Variants in UBL7 observed in about 807,000 individuals in gnomAD.
UBL7 encodes ubiquitin-like protein 7.
In UBL7, 21 loss-of-function variants were observed where a neutral mutation model predicts 41.7. The observed-to-expected ratio is 0.50, with a 90% CI of 0.36 to 0.73. The LOEUF (loss-of-function observed/expected upper bound fraction) is 0.73, where lower values mean the gene tolerates loss of function less well. Ranked by LOEUF, UBL7 falls within the 30% of genes least tolerant of loss-of-function variation. UBL7 has a pLI of 0.00. For synonymous variants in UBL7, 157 were observed against 186.9 expected (o/e 0.84, Z 1.31); for missense variants, 403 against 478.4 (o/e 0.84, Z 1.47).
In UBL7 at chr15:74,449,277, G is replaced by T; in HGVS notation, c.791C>A (p.Pro264His). ...ASLGYSGAAG[P>H]RPITQSELAT... ...CAGCTCACTCTGGGTGATGGGCCGGGGCCCAGCAGCTCCACTGTACCCCAG... is the reference window on the plus strand; with the variant it reads ...CAGCTCACTCTGGGTGATGGGCCGGTGCCCAGCAGCTCCACTGTACCCCAG... Residue 264 changes from proline to histidine, a missense_variant, in exon 9 of 11, where the codon CCC (proline) becomes CAC (histidine). Pro to His is a moderately conservative substitution (Grantham distance 77). Coordinates refer to ENST00000395081, the MANE Select transcript of UBL7 (RefSeq NM_032907.5). The T allele has an allele frequency of 6.2e-7, 1 of 1,613,392 alleles. No homozygotes were observed. The highest frequency in any genetic ancestry group is 2.2e-5 in the East Asian group (1 of 44,884).
At chr15:74,451,641 C>T in intron 4 of UBL7, 121 bp from the exon 5 acceptor site, 1 of 642,444 alleles carries the variant, frequency 1.6e-6, no homozygotes, top group Non-Finnish European at 2.7e-6. Context: ...CACAATGGAA[C>T]AATAGCCCCA....
rs1162947656 is a variant in UBL7 at position 74,458,804 on chromosome 15, T to C, written c.64A>G (p.Ile22Val). ...AGTTCTGTCTCTGGCAACCGAAGAA[T>C]AGACTTTGGAGTAAGTGGCTGGTCA... ...LADQPLTPKS[I>V]LRLPETELGE... The change falls in exon 2 of 11, where the codon ATT becomes GTT. Residue 22 changes from isoleucine to valine, a missense_variant. Ile to Val is a conservative substitution (Grantham distance 29). Transcript: ENST00000395081. The C allele has an allele frequency of 7.4e-6, 12 of 1,613,612 alleles. No homozygotes were observed. Among genetic ancestry groups the C allele is most frequent in the African/African-American group, 5.3e-5 (4 of 74,930 alleles).
intron 3 of UBL7, among the ~76,000 whole-genome samples, chr15:74,455,491 T>C (rs556906064): frequency 2.5e-4 from 38 of 152,364 alleles, no homozygotes; most frequent in African/African-American, 8.9e-4. Flanking sequence ...AATCACCACC[T>C]GAGGCAGTTT....
Position 74,461,035 on chromosome 15 carries a change from A to C in UBL7, c.-30+2T>G, listed in dbSNP as rs112744397. On this transcript the variant is annotated splice_donor_variant, in intron 1 of 10. Transcript: ENST00000395081. LOFTEE classifies it low-confidence loss of function (5UTR_SPLICE). ...AGGAACACTATCCGGTGGCGACCTCACCGCTCCAGTGGGACCAGCTACTTG... is the reference window on the plus strand; with the variant it reads ...AGGAACACTATCCGGTGGCGACCTCCCCGCTCCAGTGGGACCAGCTACTTG... 9.5e-7 allele frequency: 1 copy of C among 1,056,184 alleles called. No individual in the cohort carries two copies. Among genetic ancestry groups the C allele is most frequent in the South Asian group, 2.7e-5 (1 of 37,676 alleles). 65.4% of individuals were successfully genotyped at this position (1,056,184 alleles called of 1,614,324 possible). A position where few individuals can be genotyped will look rare whatever the true frequency, so the allele number is the denominator to read the frequency against.
intron 1 of UBL7, 183 bp downstream of exon 1, chr15:74,460,854 T>C: frequency 8.3e-7 from 1 of 1,199,064 alleles, no homozygotes; most frequent in Non-Finnish European, 1.1e-6. Flanking sequence ...ATCTTCCACC[T>C]CAAGTTTATG....
At chr15:74,450,309 G>A (rs1157911760) in intron 6 of UBL7, among the ~76,000 whole-genome samples, 4 of 152,218 alleles carry the variant, frequency 2.6e-5, no homozygotes, top group Admixed American at 1.3e-4. Context: ...CCACAGGCAA[G>A]GCATGATGGG....
At chr15:74,454,623 C>T (rs2061278114) in intron 3 of UBL7, among the ~76,000 whole-genome samples, 1 of 152,132 alleles carries the variant, frequency 6.6e-6, no homozygotes. Context: ...GTCTCGAACT[C>T]CCAATCTCAG....
chr15:74,447,641 A>G (rs1265399213), intron 10 of UBL7, among the ~76,000 whole-genome samples: 1 of 152,158 alleles, frequency 6.6e-6, no homozygotes, highest in African/African-American at 2.4e-5. Flanking sequence ...CAGGAAGTTG[A>G]GGCTACAGTA....
chr15:74,449,072 G>A lies in UBL7; in HGVS notation c.882+114C>T, dbSNP rs2061214567. The A allele has an allele frequency of 7.0e-6, 9 of 1,290,364 alleles. No individual in the cohort carries two copies. The South Asian group carries it at 1.4e-4, about 20-fold the overall frequency. The allele number at this position is 1,290,364 out of a possible 1,614,324, so 79.9% of individuals were successfully genotyped here. On this transcript the variant is annotated intron_variant, in intron 9 of 10. Transcript: ENST00000395081. ...TAAGAAATCCCCACCAGGACTCCAG[G>A]GTTCAGCTTAAACTAGATCTAGCAC...
intron 8 of UBL7, 85 bp from the exon 9 acceptor site, chr15:74,449,438 G>A (rs779322624): frequency 4.9e-5 from 77 of 1,559,406 alleles, no homozygotes; most frequent in Non-Finnish European, 6.6e-5. Context: ...AATAGTTCTT[G>A]GGGAAACTCT....
rs370344092 is a variant in UBL7 at position 74,452,370 on chromosome 15, C to T, written c.313G>A (p.Asp105Asn). The T allele has an allele frequency of 1.4e-5, 22 of 1,558,082 alleles. No homozygotes were observed. In the African/African-American group the frequency reaches 3.0e-4, roughly 21 times the overall value. Residue 105 changes from aspartate to asparagine, a missense_variant, in exon 4 of 11, where the codon GAC becomes AAC. By Grantham distance (23) the Asp-to-Asn change is conservative. Coordinates refer to ENST00000395081, the MANE Select transcript of UBL7 (RefSeq NM_032907.5). Reference sequence around the variant, plus strand: ...AACTCTCTCATGGCAGCCACTTTGTCCACAGGTTCTGGGGGACAAGACATT... The same window carrying T: ...AACTCTCTCATGGCAGCCACTTTGTTCACAGGTTCTGGGGGACAAGACATT... ...PEPDQKPEPV[D>N]KVAAMREFRV...
intron 3 of UBL7, among the ~76,000 whole-genome samples, chr15:74,452,958 C>A (rs1031740226): frequency 1.3e-5 from 2 of 152,200 alleles, no homozygotes; most frequent in Non-Finnish European, 2.9e-5. Flanking sequence ...GTGATCCACA[C>A]ACCTCGGCCT....
chr15:74,449,695 T>C lies in UBL7; in HGVS notation c.665-20A>G, dbSNP rs1490275180. ...AGCCACCTGGAGGAGGACGAACAGA[T>C]TTCAGGAGGAAGAACAGAAAGGCAC... is the stretch of plus-strand genomic sequence containing the variant. On this transcript the variant is annotated intron_variant, in intron 7 of 10. Transcript: ENST00000395081. 2.5e-6 allele frequency: 4 copies of C among 1,614,144 alleles called. No homozygotes were observed. The highest frequency in any genetic ancestry group is 3.4e-6 in the Non-Finnish European group (4 of 1,180,030).
intron 4 of UBL7, among the ~76,000 whole-genome samples, chr15:74,452,094 G>C (rs1295503570): frequency 1.3e-5 from 2 of 152,184 alleles, no homozygotes; most frequent in Non-Finnish European, 2.9e-5. Flanking sequence ...ATTATCATTA[G>C]AGGGAATCAA....
At chr15:74,460,029 A>G (rs2061334233) in intron 1 of UBL7, among the ~76,000 whole-genome samples, 1 of 148,146 alleles carries the variant, frequency 6.8e-6, no homozygotes, top group South Asian at 2.2e-4. Flanking sequence ...ATCACTTAAG[A>G]TCAGGTGTTT....
intron 4 of UBL7, among the ~76,000 whole-genome samples, chr15:74,451,932 A>G (rs1045710618): frequency 7.2e-5 from 11 of 152,100 alleles, no homozygotes; most frequent in Non-Finnish European, 1.3e-4. Flanking sequence ...TTGCCTCTCA[A>G]CTCTCCTACA....
At chr15:74,449,884 T>C in intron 7 of UBL7, 52 bp downstream of exon 7, 1 of 1,577,482 alleles carries the variant, frequency 6.3e-7, no homozygotes, top group Non-Finnish European at 8.6e-7. Flanking sequence ...AGCAAATTCC[T>C]GGGCCACTGC....
intron 6 of UBL7, 47 bp from the exon 7 acceptor site, chr15:74,450,116 C>T (rs367888947): frequency 2.6e-6 from 4 of 1,557,424 alleles, no homozygotes; most frequent in Non-Finnish European, 3.5e-6. Flanking sequence ...CAAAAGAGCA[C>T]CCTCAGCCAT....
chr15:74,449,124 T>C (rs778287851), intron 9 of UBL7, 62 bp downstream of exon 9: 73 of 1,499,150 alleles, frequency 4.9e-5, no homozygotes, highest in Non-Finnish European at 6.3e-5. Context: ...AAATCTACTC[T>C]ACTGCTGGGG....
Sources: allele counts gnomAD v4.1 joint callset (sites outside exome capture counted in the v4.1 genomes callset), GRCh38; gene constraint gnomAD v4.1.1; transcripts MANE v1.5; gene names NCBI Gene and HGNC (gene_info 2026-07-23, HGNC 2026-07-21).